MGAM2: variants seen among roughly 807,000 people sequenced by gnomAD.
MGAM2 encodes maltase-glucoamylase 2 (putative), also known as probable maltase-glucoamylase 2.
A neutral mutation model predicts 96.1 loss-of-function variants in MGAM2; 98 were observed. The ratio of observed to expected loss-of-function variants is 1.02; its 90% CI spans 0.87 to 1.21. The LOEUF (loss-of-function observed/expected upper bound fraction) is 1.21. Ranked by LOEUF, MGAM2 falls within the 50% of genes most tolerant of loss-of-function variation. The pLI is 0.00. For missense variants in MGAM2, 2,055 were observed against 1,182.4 expected (o/e 1.74, Z -10.82); for synonymous variants, 749 against 414.8 (o/e 1.81, Z -9.79).
chr7:142,182,440 G>C (rs1488530823), intron 32 of MGAM2, among the ~76,000 whole-genome samples: 1 of 152,198 alleles, frequency 6.6e-6, no homozygotes, highest in Non-Finnish European at 1.5e-5. Flanking sequence ...CTGTCTCCCA[G>C]CTCAGCTGTC....
chr7:142,132,630 TA>T (rs1187640150), intron 6 of MGAM2, among the ~76,000 whole-genome samples: 2 of 127,906 alleles, frequency 1.6e-5, no homozygotes, highest in African/African-American at 6.2e-5. Flanking sequence ...AATTAAATTA[TA>T]AAAATGAAGA....
chr7:142,218,335 C>T, intron 46 of MGAM2, 26 bp from the exon 47 acceptor site: 2 of 655,324 alleles, frequency 3.1e-6, no homozygotes, highest in African/African-American at 3.6e-5. Flanking sequence ...GTTATGTATT[C>T]TTTTCTCTTT....
At chr7:142,133,501 A>G (rs1794968554) in intron 6 of MGAM2, among the ~76,000 whole-genome samples, 1 of 152,030 alleles carries the variant, frequency 6.6e-6, no homozygotes, top group East Asian at 1.9e-4. Context: ...TAATTCACAA[A>G]CTGTACTGGA....
chr7:142,133,078 A>G (rs1794949897), intron 6 of MGAM2, among the ~76,000 whole-genome samples: 1 of 133,964 alleles, frequency 7.5e-6, no homozygotes, highest in African/African-American at 2.8e-5. Flanking sequence ...TTTAATTTAT[A>G]TTTAATATTT....
Position 142,166,132 on chromosome 7 carries a change from T to TGG in MGAM2, c.2689_2690dup (p.Gln898AspfsTer66), listed in dbSNP as rs776208816. On this transcript the variant is annotated frameshift_variant, in exon 25 of 48. Coordinates refer to ENST00000477922, the MANE Select transcript of MGAM2 (RefSeq NM_001293626.2). LOFTEE classifies it high-confidence loss of function. Reference sequence around the variant, plus strand: ...ATCACTGATCTCCAAGGACTGGTACTGGGACAAGAATTCTCTATTAGGTGG... The same window carrying TGG: ...ATCACTGATCTCCAAGGACTGGTACTGGGGGACAAGAATTCTCTATTAGGTGG... 3 of 702,112 alleles carry TGG rather than the reference T, an allele frequency of 4.3e-6. No individual in the cohort carries two copies. In the South Asian group the frequency reaches 4.5e-5, roughly 10 times the overall value. 43.5% of individuals were successfully genotyped at this position (702,112 alleles called of 1,614,324 possible). A position where few individuals can be genotyped will look rare whatever the true frequency, so the allele number is the denominator to read the frequency against.
chr7:142,116,905 T>G lies in MGAM2; in HGVS notation c.32T>G (p.Leu11Arg). The change falls in exon 2 of 48, where the codon CTT becomes CGT. Residue 11 changes from leucine to arginine, a missense_variant. Coordinates refer to ENST00000477922, the MANE Select transcript of MGAM2 (RefSeq NM_001293626.2). The stretch of plus-strand genomic sequence containing the variant: ...AGGAAGCTCAGTGTATTGGAAGTCC[T>G]TCTGATCATCTTCTGCTTAATTGTG... MARKLSVLEV[L>R]LIIFCLIVVT... The G allele has an allele frequency of 1.4e-6, 1 of 703,626 alleles. No individual in the cohort carries two copies. The highest frequency in any genetic ancestry group is 2.6e-6 in the Non-Finnish European group (1 of 385,108). The allele number at this position is 703,626 out of a possible 1,614,324, so 43.6% of individuals were successfully genotyped here. A position where few individuals can be genotyped will look rare whatever the true frequency, so the allele number is the denominator to read the frequency against.
intron 1 of MGAM2, among the ~76,000 whole-genome samples, chr7:142,115,702 G>C (rs556499194): frequency 6.6e-6 from 1 of 152,148 alleles, no homozygotes; most frequent in East Asian, 1.9e-4. Flanking sequence ...AAAATTAGCA[G>C]GGCATGGTGA....
chr7:142,164,787 A>C, intron 23 of MGAM2, 69 bp from the exon 24 acceptor site: 1 of 571,722 alleles, frequency 1.7e-6, no homozygotes, highest in Non-Finnish European at 3.1e-6. Flanking sequence ...TGAGACATTG[A>C]CTGGTATTTG....
chr7:142,151,688 A>G (rs1271117986), intron 15 of MGAM2, among the ~76,000 whole-genome samples: 1 of 152,234 alleles, frequency 6.6e-6, no homozygotes, highest in African/African-American at 2.4e-5. Context: ...CCGTGACTCC[A>G]TGTGGTAAAA....
At chr7:142,134,776 TA>T (rs35820144) in intron 7 of MGAM2, among the ~76,000 whole-genome samples, 2,037 of 134,944 alleles carry the variant, frequency 0.015, 30 homozygotes, top group African/African-American at 0.036. Flanking sequence ...ACTAGTTTCT[TA>T]AAAAAAAAAA....
chr7:142,199,688 TAAATTTTAAAC>T (rs910613250), intron 44 of MGAM2, among the ~76,000 whole-genome samples, 181 bp from the exon 45 acceptor site: 1 of 152,240 alleles, frequency 6.6e-6, no homozygotes, highest in Non-Finnish European at 1.5e-5. Context: ...AATGTTTTAT[TAAATTTTAAAC>T]GTTTTCCATT....
At chr7:142,152,779 A>G (rs183451629) in intron 15 of MGAM2, among the ~76,000 whole-genome samples, 88 of 152,236 alleles carry the variant, frequency 5.8e-4, no homozygotes, top group African/African-American at 1.9e-3. Flanking sequence ...TCAATTTTAT[A>G]ATTCTAATGG....
At chr7:142,147,244 C>A (rs535135032) in intron 14 of MGAM2, among the ~76,000 whole-genome samples, 1 of 152,288 alleles carries the variant, frequency 6.6e-6, no homozygotes, top group African/African-American at 2.4e-5. Context: ...CAAGGGAATG[C>A]AGATTAATTT....
At chr7:142,174,456 G>A (rs1433667481) in intron 31 of MGAM2, among the ~76,000 whole-genome samples, 3 of 152,002 alleles carry the variant, frequency 2.0e-5, no homozygotes, top group Non-Finnish European at 4.4e-5. Flanking sequence ...TTCATTTGTG[G>A]TTTGGCTCTA....
At chr7:142,183,701 C>T (rs923767319) in intron 33 of MGAM2, among the ~76,000 whole-genome samples, 1 of 152,126 alleles carries the variant, frequency 6.6e-6, no homozygotes, top group Non-Finnish European at 1.5e-5. Context: ...GCAAAACATG[C>T]GTTCACCTTT....
At chr7:142,142,528 T>G (rs1795261212) in intron 12 of MGAM2, among the ~76,000 whole-genome samples, 1 of 138,932 alleles carries the variant, frequency 7.2e-6, no homozygotes, top group Admixed American at 7.2e-5. Flanking sequence ...GTGTGTGTTT[T>G]TTTTTTTTTT....
intron 6 of MGAM2, among the ~76,000 whole-genome samples, chr7:142,133,143 GTTAA>G (rs1374691959): frequency 7.4e-6 from 1 of 135,322 alleles, no homozygotes; most frequent in African/African-American, 2.7e-5. Context: ...TTTAATAAAT[GTTAA>G]TTTATATTTA....
intron 12 of MGAM2, among the ~76,000 whole-genome samples, chr7:142,142,732 T>C (rs10244300): frequency 0.057 from 8,737 of 152,058 alleles, 339 homozygotes; most frequent in East Asian, 0.15. Context: ...GTATTTTTAG[T>C]AGAGACGGAA....
intron 10 of MGAM2, among the ~76,000 whole-genome samples, chr7:142,139,432 G>C (rs1795152489): frequency 6.6e-6 from 1 of 151,998 alleles, no homozygotes; most frequent in African/African-American, 2.4e-5. Flanking sequence ...GGCTGAGGCG[G>C]GCAGATCACT....
Sources: gnomAD v4.1 joint callset for allele counts (sites outside exome capture counted in the v4.1 genomes callset) on GRCh38, gnomAD v4.1.1 for gene constraint, MANE v1.5 for transcripts, NCBI Gene and HGNC (gene_info 2026-07-23, HGNC 2026-07-21) for gene names.